Variants in NAV3 observed in about 807,000 individuals in gnomAD.
NAV3 encodes the protein neuron navigator 3.
NAV3 carries 87 observed loss-of-function variants against 244.7 expected under a neutral mutation model. The observed-to-expected ratio is 0.36, with a 90% CI of 0.30 to 0.42. The LOEUF (loss-of-function observed/expected upper bound fraction) is 0.42. NAV3 is among the 20% of genes least tolerant of loss of function. NAV3 has a pLI of 1.00. For missense variants in NAV3, 2,663 were observed against 2,893.3 expected, an observed-to-expected ratio of 0.92 and a Z score of 1.83; for synonymous variants, 1,126 against 1,042.2, an observed-to-expected ratio of 1.08 and a Z score of -1.55.
intron 2 of NAV3, among the ~76,000 whole-genome samples, chr12:77,792,879 C>T (rs908978110): frequency 4.6e-5 from 7 of 152,142 alleles, no homozygotes; most frequent in Non-Finnish European, 2.9e-5. Context: ...ATAATCTGAT[C>T]CCCCAATTAC....
At chr12:77,579,231 C>A (rs190065798) in intron 2 of NAV3, among the ~76,000 whole-genome samples, 5 of 152,312 alleles carry the variant, frequency 3.3e-5, no homozygotes, top group Admixed American at 3.3e-4. Context: ...AAATACTAAC[C>A]AAATTAGTTG....
intron 1 of NAV3, among the ~76,000 whole-genome samples, chr12:77,879,667 C>G (rs889733633): frequency 1.0e-5 from 1 of 96,070 alleles, no homozygotes; most frequent in African/African-American, 4.2e-5. Context: ...GGCGAAAGAG[C>G]GAAGTGAAAC....
intron 28 of NAV3, among the ~76,000 whole-genome samples, chr12:78,178,487 T>C (rs577289270): frequency 6.6e-5 from 10 of 152,208 alleles, no homozygotes; most frequent in South Asian, 2.1e-4. Flanking sequence ...TTTTGGACCA[T>C]GTTTGACTGT....
chr12:77,903,045 T>A (rs901049295), intron 1 of NAV3, among the ~76,000 whole-genome samples: 3 of 152,126 alleles, frequency 2.0e-5, no homozygotes, highest in African/African-American at 7.2e-5. Flanking sequence ...GAAGAATCAA[T>A]ATCGTGAAAA....
intron 12 of NAV3, among the ~76,000 whole-genome samples, chr12:78,063,257 A>G (rs938108776): frequency 6.6e-6 from 1 of 152,048 alleles, no homozygotes; most frequent in Non-Finnish European, 1.5e-5. Context: ...TTACTTGACT[A>G]AAAAAAAGAT....
rs529480786 is a variant in NAV3 at position 77,583,315 on chromosome 12, A to G, written c.72+11049A>G. Reference sequence around the variant, plus strand: ...CGATGTAGCAGTTTTACCTCATACTATCTCAGTAAGTAAGGCCTCCATCTT... The same window carrying G: ...CGATGTAGCAGTTTTACCTCATACTGTCTCAGTAAGTAAGGCCTCCATCTT... On this transcript the variant is annotated intron_variant, in intron 2 of 8. Transcript: ENST00000550042. Among the ~76,000 whole-genome samples, 7 of 152,344 alleles carry G rather than the reference A, an allele frequency of 4.6e-5. 1 individual carries two copies. Among genetic ancestry groups the G allele is most frequent in the East Asian group, 1.9e-4 (1 of 5,182 alleles).
At chr12:77,922,781 T>C (rs1291380728) in intron 1 of NAV3, among the ~76,000 whole-genome samples, 6 of 152,198 alleles carry the variant, frequency 3.9e-5, no homozygotes, top group African/African-American at 1.4e-4. Context: ...TCTTAAACTG[T>C]TCTCATTAAC....
intron 1 of NAV3, among the ~76,000 whole-genome samples, chr12:77,852,546 A>C (rs1190315385): frequency 2.0e-5 from 3 of 149,362 alleles, no homozygotes; most frequent in African/African-American, 7.4e-5. Context: ...CTCATAAATA[A>C]ATAAATAAAT....
At chr12:77,607,438 G>T (rs753250229) in intron 2 of NAV3, among the ~76,000 whole-genome samples, 1 of 152,040 alleles carries the variant, frequency 6.6e-6, no homozygotes, top group African/African-American at 2.4e-5. Context: ...AAAATAAAGG[G>T]AATCAAAATT....
chr12:77,991,601 C>T (rs1485692431), intron 5 of NAV3, among the ~76,000 whole-genome samples: 2 of 152,006 alleles, frequency 1.3e-5, no homozygotes. Context: ...GTATAATAGA[C>T]ACAGGTAGGG....
chr12:77,796,704 A>G (rs1307069332), intron 2 of NAV3, among the ~76,000 whole-genome samples: 4 of 152,166 alleles, frequency 2.6e-5, no homozygotes, highest in Non-Finnish European at 4.4e-5. Context: ...AGCCACCCCA[A>G]CCTTTAGCAA....
At chr12:78,173,183 A>G (rs1397254287) in intron 24 of NAV3, among the ~76,000 whole-genome samples, 2 of 151,614 alleles carry the variant, frequency 1.3e-5, no homozygotes, top group Non-Finnish European at 3.0e-5. Flanking sequence ...AAATACTTAC[A>G]AGCACTAAAA....
rs1460313644 is a variant in NAV3, at chr12:77,892,572, C to T, written c.244-47747C>T. Among the ~76,000 whole-genome samples, 8 of 152,204 alleles carry T rather than the reference C, an allele frequency of 5.3e-5. No homozygotes were observed. In the East Asian group the frequency reaches 9.7e-4, roughly 18 times the overall value. Reference sequence around the variant, plus strand: ...CTGGGACTACAGGTGCATGGCACAACACCTGGCTAATTTTTTGTATTTTTA... The same window carrying T: ...CTGGGACTACAGGTGCATGGCACAATACCTGGCTAATTTTTTGTATTTTTA... On this transcript the variant is annotated intron_variant, in intron 1 of 39. Coordinates refer to ENST00000397909, the MANE Select transcript of NAV3 (RefSeq NM_001024383.2).
At chr12:78,157,278 C>G (rs1187140786) in intron 22 of NAV3, among the ~76,000 whole-genome samples, 1 of 151,718 alleles carries the variant, frequency 6.6e-6, no homozygotes, top group Non-Finnish European at 1.5e-5. Context: ...GGTGTGGTGG[C>G]TCACACCTAT....
At chr12:78,152,658 C>A (rs948371330) in intron 22 of NAV3, among the ~76,000 whole-genome samples, 14 of 151,848 alleles carry the variant, frequency 9.2e-5, no homozygotes, top group African/African-American at 3.4e-4. Context: ...TTCATTTCAT[C>A]TGAATTAATA....
intron 2 of NAV3, among the ~76,000 whole-genome samples, chr12:77,589,956 C>T (rs1869830917): frequency 6.6e-6 from 1 of 152,180 alleles, no homozygotes; most frequent in African/African-American, 2.4e-5. Context: ...ACAGTCTTTT[C>T]CCATAGGGTT....
chr12:77,629,393 T>A (rs1031060588), intron 2 of NAV3, among the ~76,000 whole-genome samples: 2 of 152,246 alleles, frequency 1.3e-5, no homozygotes, highest in African/African-American at 4.8e-5. Context: ...TTGTGATAAC[T>A]GGCCTTTCAT....
At chr12:78,122,497 A>G (rs1955718658) in intron 16 of NAV3, 69 bp downstream of exon 16, 3 of 1,485,776 alleles carry the variant, frequency 2.0e-6, no homozygotes, top group Non-Finnish European at 1.8e-6. Context: ...CCCCCACCCC[A>G]TTAAATTCCC....
chr12:77,716,692 A>C (rs1876377342), intron 2 of NAV3, among the ~76,000 whole-genome samples: 1 of 152,012 alleles, frequency 6.6e-6, no homozygotes. Flanking sequence ...ATTCTCTTGG[A>C]TTATAATTCT....
Sources: gnomAD v4.1 joint callset for allele counts (sites outside exome capture counted in the v4.1 genomes callset) on GRCh38, gnomAD v4.1.1 for gene constraint, MANE v1.5 for transcripts, NCBI Gene and HGNC (gene_info 2026-07-23, HGNC 2026-07-21) for gene names.